CDK14: variants seen among roughly 807,000 people sequenced by gnomAD.
The protein encoded by CDK14 is cyclin dependent kinase 14.
In CDK14, 34 loss-of-function variants were observed where a neutral mutation model predicts 60.7. That is an observed-to-expected ratio of 0.56 (90% CI 0.43 to 0.75). The LOEUF is 0.75. Ranked by LOEUF, CDK14 falls within the 30% of genes least tolerant of loss-of-function variation. The pLI is 0.00. For missense variants in CDK14, 482 were observed against 564.1 expected (o/e 0.85, Z 1.47); for synonymous variants, 197 against 203.7 (o/e 0.97, Z 0.28).
rs181858884 is a variant in CDK14 at position 91,032,571 on chromosome 7, A to G, written c.1042-13326A>G. On this transcript the variant is annotated intron_variant, in intron 10 of 14. Transcript: ENST00000380050. ...GAAGGAGATTTGACACAGAAGAGAA[A>G]GCAGTGTGAAGAGGGAGGCAGAAAT... is the stretch of plus-strand genomic sequence containing the variant. Among the ~76,000 whole-genome samples the G allele has an allele frequency of 2.3e-3, 350 of 152,340 alleles. 7 individuals carry two copies. The highest frequency in any genetic ancestry group is 1.7e-3 in the Non-Finnish European group (114 of 68,036).
chr7:90,911,095 T>C (rs1792882467), intron 7 of CDK14, among the ~76,000 whole-genome samples: 1 of 152,210 alleles, frequency 6.6e-6, no homozygotes. Flanking sequence ...GCTTTCTTTC[T>C]TTTTCTGTGA....
intron 11 of CDK14, 117 bp downstream of exon 11, chr7:91,046,077 T>G (rs994142272): frequency 1.3e-5 from 9 of 674,344 alleles, no homozygotes; most frequent in Non-Finnish European, 2.4e-5. Context: ...TTTGCCATTG[T>G]GTACTTTGTC....
intron 6 of CDK14, among the ~76,000 whole-genome samples, chr7:90,876,641 T>C (rs1041172938): frequency 6.6e-6 from 1 of 152,192 alleles, no homozygotes; most frequent in Non-Finnish European, 1.5e-5. Flanking sequence ...TATGCAAAAC[T>C]TGCTACCATC....
intron 14 of CDK14, among the ~76,000 whole-genome samples, chr7:91,131,057 G>A (rs1458685960): frequency 6.6e-6 from 1 of 151,962 alleles, no homozygotes; most frequent in Non-Finnish European, 1.5e-5. Context: ...CTGAGTAGCA[G>A]TCAGTCAGAT....
chr7:90,622,555 A>C (rs1218630133), intron 2 of CDK14, among the ~76,000 whole-genome samples: 3 of 152,166 alleles, frequency 2.0e-5, no homozygotes, highest in Admixed American at 1.3e-4. Context: ...TTTCTTCTTC[A>C]TTCCCAAGAT....
intron 14 of CDK14, among the ~76,000 whole-genome samples, chr7:91,171,193 C>CA (rs1355711122): frequency 2.0e-5 from 3 of 151,654 alleles, no homozygotes; most frequent in Admixed American, 6.6e-5. Context: ...ACTAAAAATA[C>CA]AAAAAAATTA....
intron 12 of CDK14, 121 bp from the exon 13 acceptor site, chr7:91,112,421 C>A: frequency 9.7e-7 from 1 of 1,028,338 alleles, no homozygotes; most frequent in Non-Finnish European, 1.4e-6. Context: ...TTTATTTCAG[C>A]AGGTAATTTG....
At chr7:90,791,437 G>T (rs998854670) in intron 5 of CDK14, among the ~76,000 whole-genome samples, 1 of 152,058 alleles carries the variant, frequency 6.6e-6, no homozygotes, top group Non-Finnish European at 1.5e-5. Flanking sequence ...GCATTGAAAG[G>T]ATCACAGCTA....
Position 90,803,105 on chromosome 7 carries a change from A to ATTT in CDK14, c.544+12462_544+12464dup, listed in dbSNP as rs35308838. Among the ~76,000 whole-genome samples, 114 of 148,860 alleles carry ATTT rather than the reference A, an allele frequency of 7.7e-4. 1 individual carries two copies. The highest frequency in any genetic ancestry group is 2.0e-3 in the African/African-American group (82 of 40,740). ...AGTTTTGTGATGGGGTGAGTTAACC[A>ATTT]TTTTTTTTTTTCTTGCAGTATCTAA... On this transcript the variant is annotated intron_variant, in intron 5 of 14. Transcript: ENST00000380050.
At chr7:90,629,782 T>G (rs955040572) in intron 2 of CDK14, among the ~76,000 whole-genome samples, 11 of 152,138 alleles carry the variant, frequency 7.2e-5, no homozygotes, top group African/African-American at 2.2e-4. Flanking sequence ...ATCTCAGTCC[T>G]TTGGGAGGCC....
intron 2 of CDK14, among the ~76,000 whole-genome samples, chr7:90,649,248 C>CTTTG (rs1800537333): frequency 1.1e-3 from 28 of 25,170 alleles, no homozygotes; most frequent in East Asian, 6.4e-3. Context: ...TTCTTTCTTT[C>CTTTG]TTTCTTTCTT....
At chr7:90,733,277 A>G (rs901571786) in intron 3 of CDK14, among the ~76,000 whole-genome samples, 3 of 152,074 alleles carry the variant, frequency 2.0e-5, no homozygotes, top group Non-Finnish European at 2.9e-5. Flanking sequence ...ATTTTAGTGT[A>G]TGTGTGATGT....
chr7:91,146,436 G>A (rs555630342), intron 14 of CDK14, among the ~76,000 whole-genome samples: 7,305 of 152,156 alleles, frequency 0.048, 434 homozygotes, highest in East Asian at 0.31. Flanking sequence ...CATGACCTCA[G>A]GTGATCTGCT....
chr7:90,847,106 C>T (rs73399841), intron 5 of CDK14, among the ~76,000 whole-genome samples: 59 of 152,296 alleles, frequency 3.9e-4, no homozygotes, highest in African/African-American at 1.4e-3. Context: ...AAACATTTCT[C>T]TAGGCAGGTT....
At chr7:90,963,327 G>C (rs962388261) in intron 9 of CDK14, among the ~76,000 whole-genome samples, 73 of 151,898 alleles carry the variant, frequency 4.8e-4, no homozygotes, top group African/African-American at 1.7e-3. Flanking sequence ...GATGTGGGAA[G>C]ACAGCTTGAG....
At chr7:90,801,769 CT>C (rs1386930003) in intron 5 of CDK14, among the ~76,000 whole-genome samples, 1 of 152,072 alleles carries the variant, frequency 6.6e-6, no homozygotes, top group African/African-American at 2.4e-5. Context: ...CCATAAGAGC[CT>C]TTTTTTATCC....
At position 90,726,590 on chromosome 7, in the gene CDK14, A is replaced by G. The variant is rs773595715; in HGVS notation, c.147A>G (p.Thr49=). 6.8e-6 allele frequency: 11 copies of G among 1,613,532 alleles called. No individual in the cohort carries two copies. The Admixed American group carries it at 1.5e-4, about 22-fold the overall frequency. Residue 49 remains threonine (T), a synonymous_variant, in exon 3 of 15, where the codon ACA becomes ACG. Coordinates refer to ENST00000380050, the MANE Select transcript of CDK14 (RefSeq NM_001287135.2). ...AGATATGTGTCACAAAGATGTCTACACGGAACTGCCAGGGAATGGACTCAG... is the reference window on the plus strand; with the variant it reads ...AGATATGTGTCACAAAGATGTCTACGCGGAACTGCCAGGGAATGGACTCAG... ...FDEICVTKMS[T]RNCQGMDSVI...
chr7:90,924,364 C>T (rs1007778357), intron 8 of CDK14, among the ~76,000 whole-genome samples: 1 of 152,226 alleles, frequency 6.6e-6, no homozygotes, highest in African/African-American at 2.4e-5. Flanking sequence ...CCTTTCAGTA[C>T]TGCCATATTT....
chr7:90,949,382 A>G (rs958563176), intron 8 of CDK14, among the ~76,000 whole-genome samples: 3 of 151,842 alleles, frequency 2.0e-5, no homozygotes, highest in African/African-American at 7.3e-5. Flanking sequence ...TTGTATTTTT[A>G]GTAGAGATGG....
Sources: allele counts gnomAD v4.1 joint callset (sites outside exome capture counted in the v4.1 genomes callset), GRCh38; gene constraint gnomAD v4.1.1; transcripts MANE v1.5; gene names NCBI Gene and HGNC (gene_info 2026-07-23, HGNC 2026-07-21).